ARHGEF11: variants seen among roughly 807,000 people sequenced by gnomAD.
ARHGEF11 encodes Rho guanine nucleotide exchange factor 11.
A neutral mutation model predicts 193.7 loss-of-function variants in ARHGEF11; 55 were observed. That is an observed-to-expected ratio of 0.28 (90% CI 0.23 to 0.36). ARHGEF11 has a LOEUF of 0.36. Among genes scored for constraint, ARHGEF11 ranks in the 10% least tolerant of loss-of-function variants. The pLI, the probability that ARHGEF11 is intolerant of heterozygous loss-of-function variation, is 1.00. For missense variants in ARHGEF11, 1,723 were observed against 2,005.6 expected (o/e 0.86, Z 2.69); for synonymous variants, 693 against 768.0 (o/e 0.90, Z 1.62).
In ARHGEF11 at chr1:156,959,290, A is replaced by C. The variant is rs556116067; in HGVS notation, c.1283-148T>G. 3.0e-5 allele frequency: 20 copies of C among 665,098 alleles called. No homozygotes were observed. In the East Asian group the frequency reaches 5.4e-4, roughly 18 times the overall value. The allele number at this position is 665,098 out of a possible 1,614,324, so 41.2% of individuals were successfully genotyped here. ...TGCCCTGTTAGTCTAAAAGGAGAGGAGGCCTGGACCTCTCAGGTCATTCCT... is the reference window on the plus strand; with the variant it reads ...TGCCCTGTTAGTCTAAAAGGAGAGGCGGCCTGGACCTCTCAGGTCATTCCT... On this transcript the variant is annotated intron_variant, in intron 15 of 40. Transcript: ENST00000368194.
rs768593104 is a variant in ARHGEF11, at chr1:156,971,684, C to G, written c.702+13G>C. On this transcript the variant is annotated intron_variant, in intron 8 of 40. Coordinates refer to ENST00000368194, the MANE Select transcript of ARHGEF11 (RefSeq NM_198236.3). ...GCATGTGCCCTTACTAGAGCTGTGC[C>G]TACATCACTCACCACTGAGCCACCA... 13 of 1,612,798 alleles carry G rather than the reference C, an allele frequency of 8.1e-6. No individual in the cohort carries two copies. The East Asian group carries it at 1.3e-4, about 17-fold the overall frequency.
At chr1:156,985,158 C>T (rs1468411460) in intron 2 of ARHGEF11, among the ~76,000 whole-genome samples, 1 of 152,100 alleles carries the variant, frequency 6.6e-6, no homozygotes, top group Admixed American at 6.5e-5. Context: ...ATGATTAAAG[C>T]GTGGGTTCTA....
intron 1 of ARHGEF11, among the ~76,000 whole-genome samples, chr1:157,036,025 AT>A (rs1342768747): frequency 7.7e-6 from 1 of 129,180 alleles, no homozygotes; most frequent in Non-Finnish European, 1.6e-5. Context: ...ATGAATCTAT[AT>A]ATAGGAATAT....
chr1:156,937,271 G>A lies in ARHGEF11; in HGVS notation c.4418C>T (p.Thr1473Ile), dbSNP rs1402916016. 36 of 1,613,896 alleles carry A rather than the reference G, an allele frequency of 2.2e-5. No homozygotes were observed. The highest frequency in any genetic ancestry group is 1.6e-4 in the Middle Eastern group (1 of 6,082). Residue 1473 changes from threonine to isoleucine, a missense_variant, in exon 39 of 41, where the codon ACT (threonine) becomes ATT (isoleucine). Transcript: ENST00000368194. Reference sequence around the variant, plus strand: ...CACCTTGAGCCTGTTGAGCTTGAGAGTGAGCTGCTCAATGGTATGGAAGAT... The same window carrying A: ...CACCTTGAGCCTGTTGAGCTTGAGAATGAGCTGCTCAATGGTATGGAAGAT... ...GMIFHTIEQLTLKLNRLKDME... is the reference protein window; with the variant it reads ...GMIFHTIEQLILKLNRLKDME...
intron 1 of ARHGEF11, among the ~76,000 whole-genome samples, chr1:157,041,839 C>A (rs1419672382): frequency 1.3e-5 from 2 of 152,114 alleles, no homozygotes; most frequent in Admixed American, 6.6e-5. Flanking sequence ...GTTTCCCAGT[C>A]CCCCAGTTGC....
At chr1:156,937,542 T>G in intron 38 of ARHGEF11, 46 bp from the exon 39 acceptor site, 1 of 1,497,318 alleles carries the variant, frequency 6.7e-7, no homozygotes, top group Non-Finnish European at 8.9e-7. Context: ...AACAGAGAAG[T>G]CGAAGCTATC....
chr1:156,943,796 G>A, intron 32 of ARHGEF11, 139 bp downstream of exon 32: 1 of 1,093,954 alleles, frequency 9.1e-7, no homozygotes, highest in Non-Finnish European at 1.3e-6. Flanking sequence ...CTACCACTTA[G>A]GCTGGGTCAG....
chr1:156,976,310 T>C (rs757042241), intron 7 of ARHGEF11, among the ~76,000 whole-genome samples: 6 of 152,168 alleles, frequency 3.9e-5, no homozygotes, highest in Non-Finnish European at 8.8e-5. Flanking sequence ...TGTGAAGTGC[T>C]TCCCCATATT....
At chr1:156,971,929 G>A in intron 7 of ARHGEF11, 113 bp from the exon 8 acceptor site, 1 of 1,323,788 alleles carries the variant, frequency 7.6e-7, no homozygotes, top group Non-Finnish European at 1.0e-6. Context: ...ACAAAGATGA[G>A]AGAGAAGAGG....
At chr1:157,045,868 C>T (rs1380694663), upstream of ARHGEF11, among the ~76,000 whole-genome samples, 5 of 151,106 alleles carry the variant, frequency 3.3e-5, no homozygotes, top group South Asian at 2.1e-4. Context: ...TTTCTCCTTC[C>T]CTCGCTCCCG....
intron 1 of ARHGEF11, among the ~76,000 whole-genome samples, chr1:156,998,958 G>T (rs1448162752): frequency 6.6e-6 from 1 of 152,166 alleles, no homozygotes; most frequent in Non-Finnish European, 1.5e-5. Context: ...CTTTCAGGAA[G>T]ATCCAAGATC....
chr1:156,944,378 A>T lies in ARHGEF11; in HGVS notation c.3047T>A (p.Ile1016Asn). The T allele has an allele frequency of 1.2e-6, 2 of 1,614,028 alleles. No individual in the cohort carries two copies. Among genetic ancestry groups the T allele is most frequent in the Non-Finnish European group, 1.7e-6 (2 of 1,180,010 alleles). Reference sequence around the variant, plus strand: ...CATACCCAAGGTCTTATCCTTGCTGATCCTCCAGGTCAGGGGTCCCTCATG... The same window carrying T: ...CATACCCAAGGTCTTATCCTTGCTGTTCCTCCAGGTCAGGGGTCCCTCATG... Reference protein sequence around the residue: ...MIHEGPLTWRISKDKTLDLHV... With the variant: ...MIHEGPLTWRNSKDKTLDLHV... Residue 1016 changes from isoleucine to asparagine, a missense_variant, in exon 31 of 41, where the codon ATC becomes AAC. This residue lies in a region of ARHGEF11 where 491 missense variants were observed against 654.5 expected (regional missense o/e 0.75). Coordinates refer to ENST00000368194, the MANE Select transcript of ARHGEF11 (RefSeq NM_198236.3).
At chr1:157,021,661 CA>C (rs35766957) in intron 1 of ARHGEF11, among the ~76,000 whole-genome samples, 27,109 of 152,116 alleles carry the variant, frequency 0.18, 2,986 homozygotes, top group East Asian at 0.44. Context: ...AGACTAAATT[CA>C]AAAGTCTTGC....
chr1:156,954,970 A>G (rs755129759), intron 20 of ARHGEF11, 49 bp from the exon 21 acceptor site: 2 of 1,515,034 alleles, frequency 1.3e-6, no homozygotes, highest in Admixed American at 3.8e-5. Flanking sequence ...AAAGTCAATC[A>G]ATGTTTTAAG....
At chr1:156,936,526 A>ATATATATATATATAT (rs1655356160) in intron 40 of ARHGEF11, among the ~76,000 whole-genome samples, 7 of 132,366 alleles carry the variant, frequency 5.3e-5, no homozygotes, top group East Asian at 4.4e-4. Flanking sequence ...ATATATATAT[A>ATATATATATATATAT]AAATTAAAAA....
At chr1:157,017,662 G>A (rs59151574) in intron 1 of ARHGEF11, among the ~76,000 whole-genome samples, 2,214 of 139,656 alleles carry the variant, frequency 0.016, 63 homozygotes, top group African/African-American at 0.057. Context: ...AGCCAAGACC[G>A]CGCCACTGTG....
At chr1:156,978,014 A>G (rs1663510458) in intron 6 of ARHGEF11, among the ~76,000 whole-genome samples, 190 bp downstream of exon 6, 1 of 152,234 alleles carries the variant, frequency 6.6e-6, no homozygotes, top group African/African-American at 2.4e-5. Context: ...TGGAAGGAGG[A>G]CACTAAGGCA....
chr1:156,947,722 T>C (rs753799024), intron 25 of ARHGEF11, 47 bp downstream of exon 25: 5 of 1,599,636 alleles, frequency 3.1e-6, no homozygotes, highest in Admixed American at 1.7e-5. Flanking sequence ...TCTGGACCTA[T>C]TCCCACACGT....
chr1:157,013,259 TCACTCACACACACACA>T (rs1431564458), intron 1 of ARHGEF11, among the ~76,000 whole-genome samples: 3 of 109,488 alleles, frequency 2.7e-5, no homozygotes, highest in Non-Finnish European at 5.7e-5. Context: ...CTCCCCACTA[TCACTCACACACACACA>T]CACACACACA....
Sources: allele counts gnomAD v4.1 joint callset (sites outside exome capture counted in the v4.1 genomes callset), GRCh38; gene constraint gnomAD v4.1.1; regional missense constraint gnomAD v4.1.1; transcripts MANE v1.5; gene names NCBI Gene and HGNC (gene_info 2026-07-23, HGNC 2026-07-21).